MYO16: variants seen among roughly 807,000 people sequenced by gnomAD.
MYO16 encodes unconventional myosin-XVI.
A neutral mutation model predicts 205.3 loss-of-function variants in MYO16; 94 were observed. The observed-to-expected ratio is 0.46, with a 90% confidence interval of 0.39 to 0.54. MYO16 has a LOEUF of 0.54. Among genes scored for constraint, MYO16 ranks in the 20% least tolerant of loss-of-function variants. MYO16 has a pLI of 0.00. For missense variants in MYO16, 2,315 were observed against 2,387.5 expected, an observed-to-expected ratio of 0.97 and a Z score of 0.63; for synonymous variants, 988 against 954.0, an observed-to-expected ratio of 1.04 and a Z score of -0.66.
At chr13:108,683,253 A>G (rs1239085452) in intron 2 of MYO16, among the ~76,000 whole-genome samples, 1 of 152,040 alleles carries the variant, frequency 6.6e-6, no homozygotes, top group East Asian at 1.9e-4. Flanking sequence ...ACTTTAAGCA[A>G]CTCAGATGTG....
intron 4 of MYO16, among the ~76,000 whole-genome samples, chr13:108,764,463 T>C (rs1012613278): frequency 2.6e-4 from 40 of 152,282 alleles, no homozygotes; most frequent in African/African-American, 8.9e-4. Context: ...CAGACTGCTA[T>C]TGAAGAATAA....
chr13:109,071,649 C>T (rs1887928805), intron 27 of MYO16, among the ~76,000 whole-genome samples: 1 of 152,144 alleles, frequency 6.6e-6, no homozygotes, highest in African/African-American at 2.4e-5. Flanking sequence ...ACCATTTATA[C>T]ATTAGATTTG....
chr13:108,808,867 A>C (rs1272570491), intron 7 of MYO16, among the ~76,000 whole-genome samples: 2 of 152,218 alleles, frequency 1.3e-5, no homozygotes, highest in African/African-American at 4.8e-5. Context: ...AGGAAACATA[A>C]GCCCAATCTA....
intron 20 of MYO16, among the ~76,000 whole-genome samples, chr13:108,991,774 C>T (rs1360145420): frequency 1.3e-5 from 2 of 152,192 alleles, no homozygotes; most frequent in African/African-American, 4.8e-5. Flanking sequence ...GACCACTTGA[C>T]ATGTAGGCTC....
In MYO16 at chr13:108,810,340, G is replaced by A. The variant is rs184162265; in HGVS notation, c.867+3536G>A. Among the ~76,000 whole-genome samples, 18 of 152,194 alleles carry A rather than the reference G, an allele frequency of 1.2e-4. No individual in the cohort carries two copies. The South Asian group carries it at 1.5e-3, about 12-fold the overall frequency. On this transcript the variant is annotated intron_variant, in intron 7 of 34. Coordinates refer to ENST00000457511, the MANE Select transcript of MYO16 (RefSeq NM_001198950.3). The stretch of plus-strand genomic sequence containing the variant: ...TAGCCCATTGTCCAGCACAGTGACC[G>A]AAAGACAAAGGCAACCAACACAGAA...
intron 4 of MYO16, among the ~76,000 whole-genome samples, chr13:108,759,772 A>T (rs1594271786): frequency 6.6e-6 from 1 of 151,582 alleles, no homozygotes; most frequent in South Asian, 2.1e-4. Context: ...GTGAGCCGAG[A>T]TCGCGCCACT....
intron 1 of MYO16, among the ~76,000 whole-genome samples, chr13:108,658,359 T>C (rs1229289750): frequency 6.6e-6 from 1 of 152,032 alleles, no homozygotes; most frequent in Non-Finnish European, 1.5e-5. Flanking sequence ...CTTTCCTCTT[T>C]TCTTGTTTCA....
chr13:108,635,080 T>A (rs529002237), intron 1 of MYO16, among the ~76,000 whole-genome samples: 1 of 152,354 alleles, frequency 6.6e-6, no homozygotes, highest in East Asian at 1.9e-4. Context: ...ACATTCTGTT[T>A]AAGTATTTTG....
chr13:108,669,029 C>T (rs895243878), intron 2 of MYO16, among the ~76,000 whole-genome samples: 17 of 151,792 alleles, frequency 1.1e-4, no homozygotes, highest in East Asian at 3.9e-4. Context: ...TGGCTGGAGA[C>T]GTAAATTGAA....
intron 23 of MYO16, among the ~76,000 whole-genome samples, chr13:109,027,275 A>C (rs748354932): frequency 2.0e-5 from 3 of 152,148 alleles, no homozygotes; most frequent in Non-Finnish European, 4.4e-5. Flanking sequence ...TCTTCTCACA[A>C]AGATTTAATC....
chr13:109,098,350 T>C (rs910292483), intron 27 of MYO16, among the ~76,000 whole-genome samples: 5 of 152,212 alleles, frequency 3.3e-5, no homozygotes, highest in African/African-American at 1.2e-4. Flanking sequence ...ATTCTGTGCT[T>C]TGAGAATCGA....
At chr13:108,625,720 C>G (rs1594153279), upstream of MYO16, among the ~76,000 whole-genome samples, 1 of 152,182 alleles carries the variant, frequency 6.6e-6, no homozygotes, top group East Asian at 1.9e-4. Context: ...CATCACAGAG[C>G]TTAAATTTGC....
chr13:108,683,961 C>T (rs1334258887), intron 2 of MYO16, among the ~76,000 whole-genome samples: 1 of 152,158 alleles, frequency 6.6e-6, no homozygotes, highest in African/African-American at 2.4e-5. Flanking sequence ...CAGCAACCTC[C>T]GCCTCCCGGG....
At chr13:108,757,194 A>G (rs944039182) in intron 4 of MYO16, among the ~76,000 whole-genome samples, 5 of 152,226 alleles carry the variant, frequency 3.3e-5, no homozygotes, top group Admixed American at 2.6e-4. Context: ...GGTTCATAAA[A>G]GCATTTTAAG....
At chr13:108,602,967 TC>T (rs1166293838) in intron 1 of MYO16, among the ~76,000 whole-genome samples, 1 of 152,196 alleles carries the variant, frequency 6.6e-6, no homozygotes, top group Non-Finnish European at 1.5e-5. Context: ...ATGTCCAGTT[TC>T]CATTTAAGCC....
the MYO16 span, among the ~76,000 whole-genome samples, chr13:108,540,484 A>G: frequency 6.6e-6 from 1 of 152,098 alleles, no homozygotes; most frequent in Non-Finnish European, 1.5e-5. Context: ...TGAGGAACAC[A>G]CTGAGTGATT....
chr13:108,559,260 C>G, the MYO16 span, among the ~76,000 whole-genome samples: 2 of 151,834 alleles, frequency 1.3e-5, no homozygotes, highest in African/African-American at 4.8e-5. Flanking sequence ...ACCACAGAGG[C>G]AGAGACTAGA....
At chr13:108,546,341 T>C in the MYO16 span, among the ~76,000 whole-genome samples, 1 of 152,160 alleles carries the variant, frequency 6.6e-6, no homozygotes, top group African/African-American at 2.4e-5. Flanking sequence ...TTTCTGAAAA[T>C]AGGCTCTTCT....
At chr13:108,569,300 A>G in the MYO16 span, among the ~76,000 whole-genome samples, 1 of 152,102 alleles carries the variant, frequency 6.6e-6, no homozygotes, top group Admixed American at 6.6e-5. Flanking sequence ...TGAATGTGTA[A>G]TGCCTTTTAT....
Sources: gnomAD v4.1 joint callset for allele counts (sites outside exome capture counted in the v4.1 genomes callset) on GRCh38, gnomAD v4.1.1 for gene constraint, MANE v1.5 for transcripts, NCBI Gene and HGNC (gene_info 2026-07-23, HGNC 2026-07-21) for gene names.